Variants in MORC2 observed in about 807,000 individuals in gnomAD.
MORC2 encodes the protein MORC family CW-type zinc finger 2, also known as ATPase MORC2.
Under a neutral mutation model 136.0 loss-of-function variants are expected in MORC2, and 30 were observed. That is an observed-to-expected ratio of 0.22 (90% CI 0.17 to 0.30). MORC2 has a LOEUF of 0.30. Ranked by LOEUF, MORC2 falls within the 10% of genes least tolerant of loss-of-function variation. The probability of loss-of-function intolerance (pLI) is 1.00; values close to 1 mark genes in which losing one functional copy is unlikely to be tolerated. For synonymous variants in MORC2, 439 were observed against 487.0 expected, an observed-to-expected ratio of 0.90 and a Z score of 1.30; for missense variants, 922 against 1,333.1, an observed-to-expected ratio of 0.69 and a Z score of 4.80.
chr22:30,953,571 C>T (rs2040923371), intron 3 of MORC2, among the ~76,000 whole-genome samples: 1 of 152,198 alleles, frequency 6.6e-6, no homozygotes, highest in Non-Finnish European at 1.5e-5. Context: ...AATAAAATGA[C>T]ATCCAAGTTC....
chr22:30,928,279 G>A (rs2040521271), intron 24 of MORC2, 72 bp from the exon 25 acceptor site: 4 of 1,486,736 alleles, frequency 2.7e-6, no homozygotes, highest in South Asian at 1.2e-5. Context: ...AGGCTGACAC[G>A]GGTGTCTCCA....
chr22:30,950,336 C>CGCGGGGGGG, intron 4 of MORC2, 41 bp downstream of exon 4: 1 of 763,996 alleles, frequency 1.3e-6, no homozygotes, highest in Non-Finnish European at 2.4e-6. Context: ...ATGGTTACAT[C>CGCGGGGGGG]GCACCCCCCC....
chr22:30,926,862 T>C lies in MORC2; in HGVS notation c.3040A>G (p.Ile1014Val). 6.2e-7 allele frequency: 1 copy of C among 1,613,596 alleles called. No individual in the cohort carries two copies. Among genetic ancestry groups the C allele is most frequent in the Non-Finnish European group, 8.5e-7 (1 of 1,179,760 alleles). Residue 1014 changes from isoleucine to valine, a missense_variant, in exon 26 of 26, where the codon ATC becomes GTC. By Grantham distance (29) the Ile-to-Val change is conservative. Coordinates refer to ENST00000397641, the MANE Select transcript of MORC2 (RefSeq NM_001303256.3). ...GCGTCCAGCTCATCATCTGTGTTGA[T>C]GTCTATGTCCTGGAATAGAGCAGGG... Reference protein sequence around the residue: ...LLQKVQEDIDINTDDELDAYI... With the variant: ...LLQKVQEDIDVNTDDELDAYI...
In MORC2 at chr22:30,932,334, G is replaced by C; in HGVS notation, c.2841+25C>G. 1 of 1,557,996 alleles carries C rather than the reference G, an allele frequency of 6.4e-7. No homozygotes were observed. Among genetic ancestry groups the C allele is most frequent in the African/African-American group, 1.4e-5 (1 of 73,676 alleles). ...CAGGGGTGGGGGAATGAAGAGTGTG[G>C]AATCGAAGGTCAGGCCAGACTCACC... On this transcript the variant is annotated intron_variant, in intron 24 of 25. Transcript: ENST00000397641. The surrounding 1 kb of genome is among the most constrained non-coding windows in gnomAD (Gnocchi z 4.4).
chr22:30,957,921 C>G (rs1179914390), intron 2 of MORC2, among the ~76,000 whole-genome samples: 1 of 152,214 alleles, frequency 6.6e-6, no homozygotes. Context: ...TGTCAATTTT[C>G]ATCCTCCTCT....
chr22:30,934,466 C>T lies in MORC2; in HGVS notation c.2194-275G>A, dbSNP rs892951411. Reference sequence around the variant, plus strand: ...CTCCCCAAGAACCACCGACCACTGCCGCAGCCCACTCAGGCTATCTGTCAC... The same window carrying T: ...CTCCCCAAGAACCACCGACCACTGCTGCAGCCCACTCAGGCTATCTGTCAC... On this transcript the variant is annotated intron_variant, in intron 19 of 25. Coordinates refer to ENST00000397641, the MANE Select transcript of MORC2 (RefSeq NM_001303256.3). The surrounding 1 kb of genome is among the most constrained non-coding windows in gnomAD (Gnocchi z 4.4). 4.6e-5 allele frequency among the ~76,000 whole-genome samples: 7 copies of T among 152,160 alleles called. No individual in the cohort carries two copies. The highest frequency in any genetic ancestry group is 1.9e-4 in the East Asian group (1 of 5,184).
Position 30,968,651 on chromosome 22 carries a change from C to T in MORC2, c.-762G>A, listed in dbSNP as rs1354475368. The stretch of plus-strand genomic sequence containing the variant: ...GACAACAGCCTCAGCCTCCCAGGCC[C>T]TTCCCGGGCCTCGGTCCCGTGGCCG... On this transcript the variant is annotated 5_prime_UTR_variant, in exon 1 of 26. Coordinates refer to ENST00000397641, the MANE Select transcript of MORC2 (RefSeq NM_001303256.3). Among the ~76,000 whole-genome samples the T allele has an allele frequency of 6.6e-6, 1 of 152,116 alleles. No homozygotes were observed. Among genetic ancestry groups the T allele is most frequent in the East Asian group, 1.9e-4 (1 of 5,190 alleles).
intron 4 of MORC2, 96 bp from the exon 5 acceptor site, chr22:30,949,938 G>T: frequency 9.2e-7 from 1 of 1,091,412 alleles, no homozygotes; most frequent in Non-Finnish European, 1.4e-6. Flanking sequence ...CCAAGCAGGG[G>T]TGTGTATCTG....
rs764556739 is a variant in MORC2, at chr22:30,950,450, A to G, written c.158-5T>C. 2 of 1,606,414 alleles carry G rather than the reference A, an allele frequency of 1.2e-6. No individual in the cohort carries two copies. The highest frequency in any genetic ancestry group is 1.7e-5 in the Admixed American group (1 of 57,900). ...CTCGAAGGTCCTCTCGTCTTTCTGT[A>G]AAAGAAGCAGCTGCCATTACTGGGC... On this transcript the variant is annotated splice_region_variant and splice_polypyrimidine_tract_variant and intron_variant, in intron 3 of 25. Transcript: ENST00000397641.
intron 3 of MORC2, among the ~76,000 whole-genome samples, chr22:30,954,286 T>C (rs2040933738): frequency 6.6e-6 from 1 of 152,078 alleles, no homozygotes; most frequent in Non-Finnish European, 1.5e-5. Context: ...AAAAAAAGAT[T>C]CCACGGACTG....
Position 30,949,801 on chromosome 22 carries a change from G to A in MORC2, c.268C>T (p.Arg90Ter), listed in dbSNP as rs374633215. Residue 90 changes from arginine (R) to a stop codon, truncating the protein, a stop_gained, in exon 5 of 26, where the codon CGA becomes TGA. Coordinates refer to ENST00000397641, the MANE Select transcript of MORC2 (RefSeq NM_001303256.3). LOFTEE classifies it high-confidence loss of function. Reference protein sequence around the residue: ...SVIQFGKSAKRTPESTQIGQY... With the variant: ...SVIQFGKSAK ...CCAATCTGAGTAGACTCAGGTGTTC[G>A]CTTGGCCGACTTCCCAAACTGGATC... 4 of 1,614,142 alleles carry A rather than the reference G, an allele frequency of 2.5e-6. No individual in the cohort carries two copies. The highest frequency in any genetic ancestry group is 1.7e-5 in the Admixed American group (1 of 60,010).
At chr22:30,939,925 C>T (rs777357194) in intron 11 of MORC2, 34 bp downstream of exon 11, 13 of 1,601,912 alleles carry the variant, frequency 8.1e-6, no homozygotes, top group Middle Eastern at 1.7e-4. Context: ...GTGCCAGAAA[C>T]GCTGGAGAAC....
intron 17 of MORC2, 45 bp downstream of exon 17, chr22:30,936,466 G>T: frequency 6.2e-7 from 1 of 1,609,824 alleles, no homozygotes; most frequent in South Asian, 1.1e-5. Flanking sequence ...CACAGGCAGA[G>T]CCCTGACACA....
chr22:30,956,900 C>G lies in MORC2; in HGVS notation c.123-103G>C, dbSNP rs190475457. 7.9e-4 allele frequency: 732 copies of G among 928,534 alleles called. 3 individuals are homozygous for G. The highest frequency in any genetic ancestry group is 1.1e-3 in the Non-Finnish European group (666 of 628,994). The allele number at this position is 928,534 out of a possible 1,614,324, so 57.5% of individuals were successfully genotyped here. A position where few individuals can be genotyped will look rare whatever the true frequency, so the allele number is the denominator to read the frequency against. ...ATGCAGAGTATTTTGAGTCTGTTTT[C>G]AGGAAGCCATACAGAAATTCTATAG... On this transcript the variant is annotated intron_variant, in intron 2 of 25. Coordinates refer to ENST00000397641, the MANE Select transcript of MORC2 (RefSeq NM_001303256.3).
At chr22:30,951,189 G>T (rs912862958) in intron 3 of MORC2, among the ~76,000 whole-genome samples, 3 of 152,210 alleles carry the variant, frequency 2.0e-5, no homozygotes, top group Non-Finnish European at 4.4e-5. Context: ...CAGCTGTGGT[G>T]GGGTTTCCTG....
intron 1 of MORC2, among the ~76,000 whole-genome samples, chr22:30,966,440 G>A (rs2041129150): frequency 6.6e-6 from 1 of 152,186 alleles, no homozygotes; most frequent in Non-Finnish European, 1.5e-5. Flanking sequence ...ACCCAAGTGT[G>A]TTTCAGGGTC....
In MORC2 at chr22:30,936,504, C is replaced by T; in HGVS notation, c.1737+7G>A. The T allele has an allele frequency of 6.2e-7, 1 of 1,613,932 alleles. No homozygotes were observed. Among genetic ancestry groups the T allele is most frequent in the African/African-American group, 1.3e-5 (1 of 75,038 alleles). On this transcript the variant is annotated splice_region_variant and intron_variant, in intron 17 of 25. Transcript: ENST00000397641. ...CTGGCTTTGCCCACTGACCATGACC[C>T]ACGTACCTGAAGGGCCTCCAGCTTC...
chr22:30,937,280 G>A lies in MORC2; in HGVS notation c.1499-243C>T, dbSNP rs1006206090. On this transcript the variant is annotated intron_variant, in intron 15 of 25. Transcript: ENST00000397641. The surrounding 1 kb of genome is among the most constrained non-coding windows in gnomAD (Gnocchi z 4.7). ...CCAGCCCCTCTCCCTTTTTTATCAA[G>A]ATCCTGGCTCAGTCATCCACGCACA... Among the ~76,000 whole-genome samples, 2 of 152,064 alleles carry A rather than the reference G, an allele frequency of 1.3e-5. No individual in the cohort carries two copies. Among genetic ancestry groups the A allele is most frequent in the African/African-American group, 4.8e-5 (2 of 41,390 alleles).
In MORC2 at chr22:30,932,678, C is replaced by G. The variant is rs753210391; in HGVS notation, c.2614G>C (p.Glu872Gln). The change falls in exon 23 of 26, where the codon GAG (glutamate) becomes CAG (glutamine). Residue 872 changes from glutamate to glutamine, a missense_variant. Transcript: ENST00000397641. This position sits in a 1 kb window ranked among gnomAD's most constrained non-coding sequence, Gnocchi z 4.4. ...GCCTGCTGGGCCACAGGGCCCACCT[C>G]CTCCTCCCCGCCCTCCTGTTGTGTA... ...LDTQQEGGEE[E>Q]VGPVAQQAIA... is the part of the protein sequence containing the mutation. 6.2e-7 allele frequency: 1 copy of G among 1,614,190 alleles called. No homozygotes were observed. The highest frequency in any genetic ancestry group is 8.5e-7 in the Non-Finnish European group (1 of 1,180,028).
Sources: gnomAD v4.1 joint callset for allele counts (sites outside exome capture counted in the v4.1 genomes callset) on GRCh38, gnomAD v4.1.1 for gene constraint, Gnocchi (gnomAD v3.1) non-coding constraint, MANE v1.5 for transcripts, NCBI Gene and HGNC (gene_info 2026-07-23, HGNC 2026-07-21) for gene names.